PRKRIP1: variants seen among roughly 807,000 people sequenced by gnomAD.
The protein encoded by PRKRIP1 is PRKR-interacting protein 1.
Under a neutral mutation model 29.3 loss-of-function variants are expected in PRKRIP1, and 29 were observed. The observed-to-expected ratio is 0.99, with a 90% CI of 0.74 to 1.35. The LOEUF is 1.35. Among genes scored for constraint, PRKRIP1 ranks in the 40% most tolerant of loss-of-function variants. PRKRIP1 has a pLI of 0.00. For synonymous variants in PRKRIP1, 90 were observed against 85.1 expected, an observed-to-expected ratio of 1.06 and a Z score of -0.32; for missense variants, 247 against 236.8, an observed-to-expected ratio of 1.04 and a Z score of -0.28.
intron 5 of PRKRIP1, among the ~76,000 whole-genome samples, chr7:102,421,957 G>A (rs191141323): frequency 2.5e-4 from 38 of 152,110 alleles, no homozygotes; most frequent in Admixed American, 5.2e-4. Context: ...CTGTATGAAT[G>A]GCCCGTCATA....
chr7:102,396,638 A>G (rs1345830503), intron 1 of PRKRIP1, 101 bp downstream of exon 1: 7 of 1,304,008 alleles, frequency 5.4e-6, no homozygotes, highest in Non-Finnish European at 5.3e-6. Context: ...CTCCAAACTC[A>G]GAAACTCAGT....
At chr7:102,423,481 G>A (rs1477630441) in intron 5 of PRKRIP1, 6 of 235,948 alleles carry the variant, frequency 2.5e-5, no homozygotes, top group Admixed American at 5.1e-5. Flanking sequence ...TTGAGCCTGG[G>A]TCCCTGTCTT....
Position 102,425,068 on chromosome 7 carries a change from CAGA to C in PRKRIP1, c.513_515del (p.Glu176del). 6.2e-7 allele frequency: 1 copy of C among 1,613,652 alleles called. No homozygotes were observed. The highest frequency in any genetic ancestry group is 8.5e-7 in the Non-Finnish European group (1 of 1,179,946). The stretch of plus-strand genomic sequence containing the variant: ...AGCAGCTCTGCGGAGGCATCTGGAA[CAGA>C]GGAGGAGGAGGAAGTGCCCAGTTTC... On this transcript the variant is annotated inframe_deletion, in exon 6 of 6. Transcript: ENST00000397912.
At chr7:102,417,485 G>T (rs1796586366) in intron 5 of PRKRIP1, among the ~76,000 whole-genome samples, 1 of 151,944 alleles carries the variant, frequency 6.6e-6, no homozygotes, top group Admixed American at 6.6e-5. Context: ...TGAGCTTGTG[G>T]GTATTCATTT....
At chr7:102,420,254 T>C (rs1209126497) in intron 5 of PRKRIP1, among the ~76,000 whole-genome samples, 1 of 152,178 alleles carries the variant, frequency 6.6e-6, no homozygotes, top group Non-Finnish European at 1.5e-5. Flanking sequence ...ACATGATTGC[T>C]GGGTTGTATG....
chr7:102,403,904 C>T (rs1278963640), intron 3 of PRKRIP1, among the ~76,000 whole-genome samples: 1 of 152,156 alleles, frequency 6.6e-6, no homozygotes, highest in Non-Finnish European at 1.5e-5. Context: ...GGCACAGTGG[C>T]CTGTAATCTC....
At chr7:102,419,845 TTGTGTGTGTGTGTGTGTG>T (rs56752508) in intron 5 of PRKRIP1, among the ~76,000 whole-genome samples, 30,973 of 142,722 alleles carry the variant, frequency 0.22, 3,898 homozygotes, top group South Asian at 0.32. Context: ...TTTTGTGTTT[TTGTGTGTGTGTGTGTGTG>T]TGTGTGTGTG....
intron 5 of PRKRIP1, among the ~76,000 whole-genome samples, chr7:102,418,480 G>A (rs1439466746): frequency 6.6e-6 from 1 of 152,104 alleles, no homozygotes; most frequent in Non-Finnish European, 1.5e-5. Context: ...ATTTACCTGT[G>A]TACTCCACCA....
chr7:102,402,250 C>T (rs1182062815), intron 3 of PRKRIP1, among the ~76,000 whole-genome samples: 1 of 152,058 alleles, frequency 6.6e-6, no homozygotes, highest in African/African-American at 2.4e-5. Context: ...TGAACCCAGG[C>T]AACGTGGCAA....
chr7:102,423,006 CT>C, intron 5 of PRKRIP1: 1 of 350,150 alleles, frequency 2.9e-6, no homozygotes, highest in South Asian at 2.1e-5. Flanking sequence ...TTTTCAAAGG[CT>C]TTTCAGCCAC....
intron 5 of PRKRIP1, among the ~76,000 whole-genome samples, chr7:102,416,864 T>G (rs1465737761): frequency 6.6e-6 from 1 of 151,820 alleles, no homozygotes; most frequent in East Asian, 1.9e-4. Context: ...GTTTTGTTTG[T>G]TTGTTTGTTG....
Position 102,396,548 on chromosome 7 carries a change from G to A in PRKRIP1, c.126+11G>A, listed in dbSNP as rs929207355. On this transcript the variant is annotated intron_variant, in intron 1 of 5. Transcript: ENST00000397912. ...CTCATGAAGAACCCGGTGAGACGAGGCCCAGGCTCCACGGCCCGTCCGAGG... is the reference window on the plus strand; with the variant it reads ...CTCATGAAGAACCCGGTGAGACGAGACCCAGGCTCCACGGCCCGTCCGAGG... The A allele has an allele frequency of 1.2e-6, 2 of 1,604,236 alleles. No homozygotes were observed. Among genetic ancestry groups the A allele is most frequent in the Non-Finnish European group, 8.5e-7 (1 of 1,176,760 alleles).
chr7:102,408,971 C>T (rs1218347879), intron 5 of PRKRIP1, among the ~76,000 whole-genome samples: 4 of 152,162 alleles, frequency 2.6e-5, no homozygotes, highest in Admixed American at 2.0e-4. Flanking sequence ...GTCAAGAGTT[C>T]GAGACCAGCC....
chr7:102,417,478 G>A (rs1218573077), intron 5 of PRKRIP1, among the ~76,000 whole-genome samples: 2 of 152,056 alleles, frequency 1.3e-5, no homozygotes, highest in Non-Finnish European at 2.9e-5. Flanking sequence ...ATCAGTATGA[G>A]CTTGTGGGTA....
At chr7:102,407,942 T>C (rs948389140) in intron 5 of PRKRIP1, among the ~76,000 whole-genome samples, 3 of 152,298 alleles carry the variant, frequency 2.0e-5, no homozygotes, top group Non-Finnish European at 4.4e-5. Context: ...CTGGCTCTGA[T>C]TGAGTCACTT....
intron 5 of PRKRIP1, among the ~76,000 whole-genome samples, chr7:102,409,131 G>A (rs974438968): frequency 2.0e-5 from 3 of 152,134 alleles, no homozygotes; most frequent in African/African-American, 7.2e-5. Flanking sequence ...CTGAGATTGT[G>A]CCATTGCACT....
intron 3 of PRKRIP1, among the ~76,000 whole-genome samples, chr7:102,401,555 G>A (rs1796070988): frequency 6.6e-6 from 1 of 152,124 alleles, no homozygotes; most frequent in Admixed American, 6.6e-5. Flanking sequence ...CCAACATGGT[G>A]AGACCCCATC....
At chr7:102,399,112 G>A (rs11982980) in intron 2 of PRKRIP1, among the ~76,000 whole-genome samples, 11,912 of 152,074 alleles carry the variant, frequency 0.078, 528 homozygotes, top group African/African-American at 0.11. Flanking sequence ...ACAGAGCAAG[G>A]CCCTGTCTCA....
At position 102,423,421 on chromosome 7, in the gene PRKRIP1, C is replaced by T. The variant is rs868913762; in HGVS notation, c.458-1593C>T. On this transcript the variant is annotated intron_variant, in intron 5 of 5. Coordinates refer to ENST00000397912, the MANE Select transcript of PRKRIP1 (RefSeq NM_024653.4). ...GAGCCACCGTGCCCGGCGCCTTATACGATTTCTGCAGACAACATAGGCAGA... is the reference window on the plus strand; with the variant it reads ...GAGCCACCGTGCCCGGCGCCTTATATGATTTCTGCAGACAACATAGGCAGA... 7.4e-4 allele frequency: 222 copies of T among 298,394 alleles called. 1 individual carries two copies. The highest frequency in any genetic ancestry group is 2.0e-3 in the East Asian group (23 of 11,284). The allele number at this position is 298,394 out of a possible 1,614,324, so 18.5% of individuals were successfully genotyped here.
Sources: gnomAD v4.1 joint callset for allele counts (sites outside exome capture counted in the v4.1 genomes callset) on GRCh38, gnomAD v4.1.1 for gene constraint, MANE v1.5 for transcripts, NCBI Gene and HGNC (gene_info 2026-07-23, HGNC 2026-07-21) for gene names.